The following TACR1 variants were observed in gnomAD, a reference collection of about 807,000 sequenced individuals.
The protein encoded by TACR1 is tachykinin receptor 1.
TACR1 carries 25 observed loss-of-function variants against 35.8 expected under a neutral mutation model. That is an observed-to-expected ratio of 0.70 (90% confidence interval 0.51 to 0.98). The LOEUF is 0.98. TACR1 is among the 50% of genes least tolerant of loss of function. The pLI, the probability that TACR1 is intolerant of heterozygous loss-of-function variation, is 0.00. For synonymous variants in TACR1, 195 were observed against 206.7 expected, an observed-to-expected ratio of 0.94 and a Z score of 0.48; for missense variants, 478 against 522.9, an observed-to-expected ratio of 0.91 and a Z score of 0.84.
chr2:75,178,187 CTTTT>C (rs529344741), intron 1 of TACR1, among the ~76,000 whole-genome samples: 2 of 145,662 alleles, frequency 1.4e-5, no homozygotes, highest in African/African-American at 5.0e-5. Context: ...CAATTTCTCT[CTTTT>C]TTTTTTTTTG....
intron 1 of TACR1, among the ~76,000 whole-genome samples, chr2:75,167,927 G>A (rs1046151254): frequency 6.6e-6 from 1 of 152,194 alleles, no homozygotes; most frequent in Admixed American, 6.5e-5. Flanking sequence ...AAAAAAAATT[G>A]AAGCAGATAC....
intron 1 of TACR1, chr2:75,187,688 T>C (rs1487349339): frequency 1.3e-5 from 2 of 152,210 alleles, no homozygotes; most frequent in Admixed American, 1.3e-4. Flanking sequence ...TAAATTGGAT[T>C]GGCTGTGAAG....
At chr2:75,081,866 C>T (rs1030604962) in intron 2 of TACR1, among the ~76,000 whole-genome samples, 36 of 150,968 alleles carry the variant, frequency 2.4e-4, no homozygotes, top group African/African-American at 8.0e-4. Context: ...CTGAGTGCTA[C>T]AGTAGCTTGT....
At chr2:75,053,881 TG>T in intron 2 of TACR1, 126 bp from the exon 3 acceptor site, 1 of 1,338,950 alleles carries the variant, frequency 7.5e-7, no homozygotes, top group East Asian at 2.5e-5. Flanking sequence ...TTAATAAGCT[TG>T]GGCTGTAAAG....
chr2:75,146,902 C>T (rs1674527307), intron 1 of TACR1, among the ~76,000 whole-genome samples: 1 of 152,172 alleles, frequency 6.6e-6, no homozygotes. Context: ...TGGCCTTGAA[C>T]AATTTCCCCA....
At chr2:75,058,239 C>G (rs886745884) in intron 2 of TACR1, among the ~76,000 whole-genome samples, 1 of 152,028 alleles carries the variant, frequency 6.6e-6, no homozygotes, top group Non-Finnish European at 1.5e-5. Flanking sequence ...TTTTTTTGAT[C>G]TTGATGTCTT....
chr2:75,127,349 C>T (rs1165743060), intron 1 of TACR1, among the ~76,000 whole-genome samples: 3 of 152,204 alleles, frequency 2.0e-5, no homozygotes, highest in African/African-American at 7.2e-5. Flanking sequence ...AAAGTTCACA[C>T]ACCACTAAAT....
chr2:75,104,616 C>CA (rs1293102980), intron 2 of TACR1, among the ~76,000 whole-genome samples: 4 of 152,000 alleles, frequency 2.6e-5, no homozygotes, highest in African/African-American at 9.7e-5. Flanking sequence ...GAATACTCTC[C>CA]AAAACAGATA....
intron 1 of TACR1, among the ~76,000 whole-genome samples, chr2:75,141,046 G>T (rs13031966): frequency 0.42 from 63,654 of 151,972 alleles, 14,302 homozygotes; most frequent in Non-Finnish European, 0.51. Context: ...TTCCATAAAA[G>T]CTGGTGAGTC....
At chr2:75,100,712 T>C (rs1244097659) in intron 2 of TACR1, among the ~76,000 whole-genome samples, 3 of 152,242 alleles carry the variant, frequency 2.0e-5, no homozygotes, top group Non-Finnish European at 4.4e-5. Context: ...AAAGTAAGGG[T>C]TCATAAATAT....
At position 75,051,452 on chromosome 2, in the gene TACR1, C is replaced by G; in HGVS notation, c.736-5G>C. On this transcript the variant is annotated splice_region_variant and splice_polypyrimidine_tract_variant and intron_variant, in intron 3 of 4. Coordinates refer to ENST00000305249, the MANE Select transcript of TACR1 (RefSeq NM_001058.4). ...GACAATCATCATTTTGACCACCTGG[C>G]AAGAGGGTGAGACAGGTGAGACCAC... 6.2e-7 allele frequency: 1 copy of G among 1,613,718 alleles called. No homozygotes were observed. The highest frequency in any genetic ancestry group is 1.1e-5 in the South Asian group (1 of 91,050).
At chr2:75,094,714 AGTGAAGGTGGTGGCAGTG>A (rs938159611) in intron 2 of TACR1, among the ~76,000 whole-genome samples, 5 of 151,424 alleles carry the variant, frequency 3.3e-5, no homozygotes, top group Non-Finnish European at 7.4e-5. Context: ...TGGTGGCAGC[AGTGAAGGTGGTGGCAGTG>A]GTAGTGATGA....
At chr2:75,120,051 C>A (rs1170941399) in intron 2 of TACR1, among the ~76,000 whole-genome samples, 2 of 152,054 alleles carry the variant, frequency 1.3e-5, no homozygotes, top group Admixed American at 1.3e-4. Context: ...GATGCCAGCT[C>A]CCCTTAGGCA....
chr2:75,132,365 C>G (rs1244730006), intron 1 of TACR1, among the ~76,000 whole-genome samples: 2 of 152,174 alleles, frequency 1.3e-5, no homozygotes, highest in African/African-American at 4.8e-5. Flanking sequence ...TTCACTGACT[C>G]TCTTCAGCAA....
At chr2:75,066,239 C>T (rs1044953612) in intron 2 of TACR1, among the ~76,000 whole-genome samples, 1 of 152,164 alleles carries the variant, frequency 6.6e-6, no homozygotes, top group Non-Finnish European at 1.5e-5. Context: ...AACCTCCTTT[C>T]AACAGGAAAA....
At chr2:75,084,096 G>T (rs1053218031) in intron 2 of TACR1, among the ~76,000 whole-genome samples, 58 of 152,216 alleles carry the variant, frequency 3.8e-4, no homozygotes, top group African/African-American at 1.3e-3. Flanking sequence ...TTTGAGATAT[G>T]TCCCATCAAT....
In TACR1 at chr2:75,148,045, C is replaced by T. The variant is rs529946954; in HGVS notation, c.390-27277G>A. Among the ~76,000 whole-genome samples, 353 of 152,086 alleles carry T rather than the reference C, an allele frequency of 2.3e-3. 1 individual carries two copies. The highest frequency in any genetic ancestry group is 8.0e-3 in the African/African-American group (330 of 41,508). On this transcript the variant is annotated intron_variant, in intron 1 of 4. Transcript: ENST00000305249. The stretch of plus-strand genomic sequence containing the variant: ...ACAGTTGTGAGCCACCACACCTGGC[C>T]GATCTCATTCCTTTTAATGGCTGCA...
At chr2:75,150,731 C>T (rs958048215) in intron 1 of TACR1, among the ~76,000 whole-genome samples, 89 of 152,152 alleles carry the variant, frequency 5.8e-4, no homozygotes, top group African/African-American at 2.1e-3. Flanking sequence ...GTGGAAGCGA[C>T]TTTGGAACTG....
chr2:75,184,165 A>T (rs980953452), intron 1 of TACR1, among the ~76,000 whole-genome samples: 6 of 152,226 alleles, frequency 3.9e-5, no homozygotes, highest in African/African-American at 1.4e-4. Flanking sequence ...GGTATTGTTT[A>T]TTCTAGGAGT....
Sources: allele counts gnomAD v4.1 joint callset (sites outside exome capture counted in the v4.1 genomes callset), GRCh38; gene constraint gnomAD v4.1.1; transcripts MANE v1.5; gene names NCBI Gene and HGNC (gene_info 2026-07-23, HGNC 2026-07-21).